MDH1: variants seen among roughly 807,000 people sequenced by gnomAD.
The protein encoded by MDH1 is malate dehydrogenase 1.
A neutral mutation model predicts 38.7 loss-of-function variants in MDH1; 15 were observed. That is an observed-to-expected ratio of 0.39 (90% CI 0.26 to 0.60). The LOEUF (loss-of-function observed/expected upper bound fraction) is 0.60. MDH1 is among the 20% of genes least tolerant of loss of function. MDH1 has a pLI of 0.56. For synonymous variants in MDH1, 144 were observed against 143.6 expected (o/e 1.00, Z -0.02); for missense variants, 368 against 405.2 (o/e 0.91, Z 0.79).
intron 1 of MDH1, chr2:63,590,478 GA>G (rs1709171233): frequency 6.6e-6 from 1 of 152,192 alleles, no homozygotes; most frequent in Non-Finnish European, 1.5e-5. Flanking sequence ...TTTACTAGCT[GA>G]GATTCCGGAT....
chr2:63,590,260 C>T (rs1008160920), intron 1 of MDH1: 2 of 152,142 alleles, frequency 1.3e-5, no homozygotes, highest in Admixed American at 6.5e-5. Flanking sequence ...GTCATCTTGA[C>T]GAATCTCCCC....
At chr2:63,594,611 T>G (rs1243525483) in intron 2 of MDH1, 25 bp downstream of exon 2, 4 of 1,487,046 alleles carry the variant, frequency 2.7e-6, no homozygotes, top group African/African-American at 1.4e-5. Context: ...CTATAAATCT[T>G]AAGTTATTAG....
intron 1 of MDH1, among the ~76,000 whole-genome samples, chr2:63,592,218 A>G (rs1159563334): frequency 1.3e-5 from 2 of 152,202 alleles, no homozygotes; most frequent in Non-Finnish European, 2.9e-5. Context: ...TCATCAGTGG[A>G]TTTATAAGGT....
At chr2:63,595,570 A>G (rs1410263365) in intron 3 of MDH1, 51 bp downstream of exon 3, 1 of 1,205,378 alleles carries the variant, frequency 8.3e-7, no homozygotes, top group Non-Finnish European at 1.2e-6. Flanking sequence ...TTCTTACAAA[A>G]TACAGGTTTT....
chr2:63,591,998 A>G (rs551589723), intron 1 of MDH1, among the ~76,000 whole-genome samples: 1 of 152,314 alleles, frequency 6.6e-6, no homozygotes, highest in South Asian at 2.1e-4. Flanking sequence ...TGGAGCCAGG[A>G]CTTGAACACA....
rs777835689 is a variant in MDH1 at position 63,606,053 on chromosome 2, CT to C, written c.879+27del. 1.2e-5 allele frequency: 19 copies of C among 1,576,136 alleles called. No homozygotes were observed. In the South Asian group the frequency reaches 2.1e-4, roughly 17 times the overall value. On this transcript the variant is annotated intron_variant, in intron 8 of 8. Coordinates refer to ENST00000233114, the MANE Select transcript of MDH1 (RefSeq NM_005917.4). ...GGTAAGGTATTTTGGAGCTATTTCC[CT>C]TCTTTGAGGAAGTAGTTATATGTTT...
chr2:63,595,676 G>A (rs1213804102), intron 3 of MDH1, among the ~76,000 whole-genome samples, 157 bp downstream of exon 3: 2 of 152,094 alleles, frequency 1.3e-5, no homozygotes, highest in Non-Finnish European at 2.9e-5. Flanking sequence ...TGTATACCAA[G>A]GATAAATAAG....
chr2:63,606,287 A>G (rs969723556), intron 8 of MDH1, among the ~76,000 whole-genome samples: 1 of 152,176 alleles, frequency 6.6e-6, no homozygotes, highest in East Asian at 1.9e-4. Flanking sequence ...AGGCTGAGGT[A>G]GGAGGATCAC....
At chr2:63,593,562 A>T (rs186707643) in intron 1 of MDH1, 2 of 471,312 alleles carry the variant, frequency 4.2e-6, no homozygotes, top group African/African-American at 4.0e-5. Flanking sequence ...GGAAGAAGGA[A>T]CTTTAAGTAA....
chr2:63,602,788 C>T (rs1334197675), intron 5 of MDH1, among the ~76,000 whole-genome samples: 1 of 152,116 alleles, frequency 6.6e-6, no homozygotes, highest in Admixed American at 6.6e-5. Context: ...CAGTAAGGAA[C>T]CTTTTGAGAC....
chr2:63,593,639 A>G, intron 1 of MDH1: 1 of 471,740 alleles, frequency 2.1e-6, no homozygotes, highest in Non-Finnish European at 4.4e-6. Flanking sequence ...GTAGGGGTAA[A>G]GGTGACAGTG....
chr2:63,588,969 G>C lies in MDH1; in HGVS notation c.-75G>C, dbSNP rs947512005. ...AACACCGCTCGCCCTCTCCGAGTCA[G>C]TTCCGCGGTAGAGGTGACCTGACTC... is the stretch of plus-strand genomic sequence containing the variant. On this transcript the variant is annotated 5_prime_UTR_variant, in exon 1 of 9. Coordinates refer to ENST00000233114, the MANE Select transcript of MDH1 (RefSeq NM_005917.4). The C allele has an allele frequency of 5.6e-6, 9 of 1,609,882 alleles. No individual in the cohort carries two copies. The highest frequency in any genetic ancestry group is 7.7e-6 in the Non-Finnish European group (9 of 1,176,318).
intron 5 of MDH1, among the ~76,000 whole-genome samples, chr2:63,602,471 G>C (rs1334070746): frequency 6.7e-6 from 1 of 149,986 alleles, no homozygotes; most frequent in Non-Finnish European, 1.5e-5. Context: ...CATAACTACA[G>C]AGTATTATCA....
intron 5 of MDH1, among the ~76,000 whole-genome samples, chr2:63,603,378 G>A (rs898237270): frequency 2.0e-5 from 3 of 152,072 alleles, no homozygotes; most frequent in Non-Finnish European, 2.9e-5. Context: ...ATACTCAAAT[G>A]CTTTATTTAT....
At position 63,605,926 on chromosome 2, in the gene MDH1, T is replaced by C. The variant is rs746705564; in HGVS notation, c.790-13T>C. ...CTAATCATCATGAGTATGTGAAACA[T>C]TGTTATTTTCAGGGAGAGTTTGTGT... On this transcript the variant is annotated splice_polypyrimidine_tract_variant and intron_variant, in intron 7 of 8. Transcript: ENST00000233114. 7 of 1,606,970 alleles carry C rather than the reference T, an allele frequency of 4.4e-6. No individual in the cohort carries two copies. The highest frequency in any genetic ancestry group is 4.5e-5 in the East Asian group (2 of 44,842).
In MDH1 at chr2:63,589,360, T is replaced by G; in HGVS notation, c.3+314T>G. 4 of 1,550,626 alleles carry G rather than the reference T, an allele frequency of 2.6e-6. No homozygotes were observed. In the South Asian group the frequency reaches 4.8e-5, roughly 18 times the overall value. ...GCTGCAGCTATTTTCCAAAGGACGT[T>G]ACGGTGTTTGATAAGGACGATAAGG... On this transcript the variant is annotated intron_variant, in intron 1 of 8. Coordinates refer to ENST00000233114, the MANE Select transcript of MDH1 (RefSeq NM_005917.4).
rs763617752 is a variant in MDH1 at position 63,594,462 on chromosome 2, A to G, written c.4-26A>G. ...TTTTAAGGTACAGTAGTACTTAAAG[A>G]TGTTAATGGGTCTTTTTCATTACAG... On this transcript the variant is annotated intron_variant, in intron 1 of 8. Transcript: ENST00000233114. 2.0e-6 allele frequency: 3 copies of G among 1,502,384 alleles called. No individual in the cohort carries two copies. In the South Asian group the frequency reaches 3.4e-5, roughly 17 times the overall value. 93.1% of individuals were successfully genotyped at this position (1,502,384 alleles called of 1,614,324 possible).
intron 2 of MDH1, 97 bp downstream of exon 2, chr2:63,594,683 G>T: frequency 1.2e-6 from 1 of 846,500 alleles, no homozygotes. Context: ...AACAGTGAAG[G>T]AATATGTAAT....
chr2:63,603,953 A>C (rs923719471), intron 5 of MDH1, among the ~76,000 whole-genome samples: 6 of 152,218 alleles, frequency 3.9e-5, no homozygotes, highest in Admixed American at 3.3e-4. Context: ...CACCATGCCC[A>C]GCCCAAGACA....
Sources: gnomAD v4.1 joint callset for allele counts (sites outside exome capture counted in the v4.1 genomes callset) on GRCh38, gnomAD v4.1.1 for gene constraint, MANE v1.5 for transcripts, NCBI Gene and HGNC (gene_info 2026-07-23, HGNC 2026-07-21) for gene names.